Variants in CEP63 observed in about 807,000 individuals in gnomAD.
The protein encoded by CEP63 is centrosomal protein 63.
A neutral mutation model predicts 89.1 loss-of-function variants in CEP63; 84 were observed. The observed-to-expected ratio is 0.94, with a 90% CI of 0.79 to 1.13. The LOEUF is 1.13. Among genes scored for constraint, CEP63 ranks in the 50% most tolerant of loss-of-function variants. The pLI, the probability that CEP63 is intolerant of heterozygous loss-of-function variation, is 0.00. For synonymous variants in CEP63, 267 were observed against 272.5 expected, an observed-to-expected ratio of 0.98 and a Z score of 0.20; for missense variants, 838 against 813.3, an observed-to-expected ratio of 1.03 and a Z score of -0.37.
the CEP63 span, among the ~76,000 whole-genome samples, chr3:134,736,043 C>T: frequency 7.2e-5 from 11 of 152,032 alleles, no homozygotes; most frequent in Non-Finnish European, 1.5e-4. Flanking sequence ...AACCCAAAGG[C>T]GAGTAGGAAA....
At chr3:134,643,249 C>T in the CEP63 span, 5 of 1,500,270 alleles carry the variant, frequency 3.3e-6, no homozygotes, top group Middle Eastern at 2.2e-4. Context: ...TGGGCTGTCG[C>T]TGGCCAGAGC....
chr3:134,520,499 A>C (rs1559928339), intron 3 of CEP63, among the ~76,000 whole-genome samples: 1 of 152,238 alleles, frequency 6.6e-6, no homozygotes, highest in Non-Finnish European at 1.5e-5. Context: ...TGATCTATTC[A>C]GTATTATTCT....
chr3:134,596,750 T>A, the CEP63 span, among the ~76,000 whole-genome samples: 1 of 152,164 alleles, frequency 6.6e-6, no homozygotes, highest in Admixed American at 6.5e-5. Context: ...ATTCAAGGAA[T>A]TCACATCCTA....
At chr3:134,486,866 A>T (rs1238807043) in intron 1 of CEP63, 2 of 152,268 alleles carry the variant, frequency 1.3e-5, no homozygotes, top group African/African-American at 4.8e-5. Flanking sequence ...GGATAGAAAG[A>T]AATAAGGACG....
the CEP63 span, among the ~76,000 whole-genome samples, chr3:134,732,971 C>T: frequency 3.2e-4 from 49 of 152,180 alleles, 1 homozygote; most frequent in Non-Finnish European, 1.5e-5. Context: ...GTCATTTCTA[C>T]ACTTCTTTCC....
the CEP63 span, among the ~76,000 whole-genome samples, chr3:134,764,269 C>T: frequency 6.6e-6 from 1 of 152,300 alleles, no homozygotes; most frequent in Non-Finnish European, 1.5e-5. Flanking sequence ...CTTTCCAAAG[C>T]CTTCCGAGGC....
At chr3:134,674,891 G>C in the CEP63 span, among the ~76,000 whole-genome samples, 1 of 152,100 alleles carries the variant, frequency 6.6e-6, no homozygotes, top group African/African-American at 2.4e-5. Flanking sequence ...TACTTCAAAA[G>C]ATCTTCAAAA....
the CEP63 span, among the ~76,000 whole-genome samples, chr3:134,737,087 T>G: frequency 6.6e-6 from 1 of 152,158 alleles, no homozygotes; most frequent in Non-Finnish European, 1.5e-5. Flanking sequence ...TAATATGAAG[T>G]CAATTGTTAT....
chr3:134,608,862 A>G, the CEP63 span: 1 of 1,592,706 alleles, frequency 6.3e-7, no homozygotes, highest in East Asian at 2.2e-5. Context: ...CAAGCTGGTT[A>G]GCAGCCAGCT....
intron 12 of CEP63, among the ~76,000 whole-genome samples, chr3:134,557,840 CCTT>C (rs1409292560): frequency 6.6e-6 from 1 of 152,058 alleles, no homozygotes; most frequent in Non-Finnish European, 1.5e-5. Context: ...CTGCTATTTT[CCTT>C]CTTCTTCCCT....
chr3:134,647,118 C>T, the CEP63 span, among the ~76,000 whole-genome samples: 1 of 152,248 alleles, frequency 6.6e-6, no homozygotes, highest in Non-Finnish European at 1.5e-5. Flanking sequence ...ATGGCTGCCT[C>T]TCATAGGAGC....
chr3:134,635,934 AC>A, the CEP63 span, among the ~76,000 whole-genome samples: 5 of 152,238 alleles, frequency 3.3e-5, no homozygotes, highest in Non-Finnish European at 7.3e-5. Context: ...TTAAATCTTT[AC>A]ATGTCAGTGA....
chr3:134,624,468 C>CTT, the CEP63 span, among the ~76,000 whole-genome samples: 1 of 152,224 alleles, frequency 6.6e-6, no homozygotes, highest in East Asian at 1.9e-4. Context: ...TGTTCAACAC[C>CTT]TTGTTCCTCC....
downstream of CEP63, among the ~76,000 whole-genome samples, chr3:134,568,055 G>A (rs1032637112): frequency 6.6e-6 from 1 of 152,176 alleles, no homozygotes; most frequent in South Asian, 2.1e-4. Context: ...TATTTCTTTG[G>A]CTATGAGAAA....
the CEP63 span, among the ~76,000 whole-genome samples, chr3:134,761,556 T>G: frequency 2.0e-5 from 3 of 152,190 alleles, no homozygotes; most frequent in East Asian, 1.9e-4. Context: ...AGGAAAATTA[T>G]TGTTTTTGCT....
Position 134,564,600 on chromosome 3 carries a change from C to G in CEP63, c.*3065C>G. 1 of 985,348 alleles carries G rather than the reference C, an allele frequency of 1.0e-6. No homozygotes were observed. Among genetic ancestry groups the G allele is most frequent in the South Asian group, 4.7e-5 (1 of 21,292 alleles). The allele number at this position is 985,348 out of a possible 1,614,324, so 61.0% of individuals were successfully genotyped here. The stretch of plus-strand genomic sequence containing the variant: ...GGATGAAAATCACTACCATTCAAGG[C>G]TTCATTGTATTTATCAGTAAAACTG... On this transcript the variant is annotated 3_prime_UTR_variant, in exon 15 of 15. Coordinates refer to ENST00000675561, the MANE Select transcript of CEP63 (RefSeq NM_001353108.3).
Position 134,547,338 on chromosome 3 carries a change from A to G in CEP63, c.933A>G (p.Pro311=). The part of the protein sequence containing the change: ...NTQHAVEAIR[P]REESLAEKKY... ...ATCATCCTATGTCTTTCCATAGGCCACGGGAAGAATCTCTGGCAGAAAAGA... is the reference window on the plus strand; with the variant it reads ...ATCATCCTATGTCTTTCCATAGGCCGCGGGAAGAATCTCTGGCAGAAAAGA... Residue 311 remains proline (P), a synonymous_variant, in exon 9 of 15, where the codon CCA becomes CCG. Coordinates refer to ENST00000675561, the MANE Select transcript of CEP63 (RefSeq NM_001353108.3). 1.2e-6 allele frequency: 2 copies of G among 1,613,560 alleles called. No homozygotes were observed. The highest frequency in any genetic ancestry group is 1.1e-5 in the South Asian group (1 of 91,068).
downstream of CEP63, among the ~76,000 whole-genome samples, chr3:134,565,469 A>G (rs1032087635): frequency 2.0e-5 from 3 of 152,376 alleles, no homozygotes; most frequent in East Asian, 3.9e-4. Context: ...AAAGATAATT[A>G]TAAAATAAGC....
chr3:134,682,407 A>T, the CEP63 span, among the ~76,000 whole-genome samples: 1 of 152,140 alleles, frequency 6.6e-6, no homozygotes, highest in African/African-American at 2.4e-5. Flanking sequence ...TTAACTAGAC[A>T]TCCTAGTTCC....
Sources: gnomAD v4.1 joint callset for allele counts (sites outside exome capture counted in the v4.1 genomes callset) on GRCh38, gnomAD v4.1.1 for gene constraint, MANE v1.5 for transcripts, NCBI Gene and HGNC (gene_info 2026-07-23, HGNC 2026-07-21) for gene names.